The following ASIC2 variants were observed in gnomAD, a reference collection of about 807,000 sequenced individuals.
ASIC2 encodes the protein acid sensing ion channel subunit 2.
ASIC2 carries 25 observed loss-of-function variants against 57.3 expected under a neutral mutation model. That is an observed-to-expected ratio of 0.44 (90% CI 0.32 to 0.61). The LOEUF (loss-of-function observed/expected upper bound fraction) is 0.61, where lower values mean the gene tolerates loss of function less well. ASIC2 is among the 20% of genes least tolerant of loss of function. ASIC2 has a pLI of 0.06. For synonymous variants in ASIC2, 319 were observed against 307.5 expected (o/e 1.04, Z -0.39); for missense variants, 641 against 738.1 (o/e 0.87, Z 1.52).
chr17:33,589,488 A>G (rs1904758344), intron 1 of ASIC2, among the ~76,000 whole-genome samples: 1 of 152,174 alleles, frequency 6.6e-6, no homozygotes, highest in Non-Finnish European at 1.5e-5. Context: ...CATCCCAGAC[A>G]GAAACCCTGT....
At chr17:33,531,884 C>T (rs1157141372) in intron 1 of ASIC2, among the ~76,000 whole-genome samples, 1 of 152,184 alleles carries the variant, frequency 6.6e-6, no homozygotes, top group Admixed American at 6.5e-5. Context: ...CCTTTGTTCT[C>T]CCCTTAGCCT....
chr17:33,673,656 T>G (rs1597830370), intron 1 of ASIC2, among the ~76,000 whole-genome samples: 2 of 152,198 alleles, frequency 1.3e-5, no homozygotes, highest in South Asian at 4.2e-4. Context: ...TCTGAGATCC[T>G]CGCCCAGTCC....
chr17:33,283,349 C>G (rs1321602767), intron 1 of ASIC2, among the ~76,000 whole-genome samples: 2 of 152,222 alleles, frequency 1.3e-5, no homozygotes, highest in Non-Finnish European at 2.9e-5. Context: ...CCAGCAGCAT[C>G]TGTACCACCT....
At chr17:34,108,013 A>T (rs1911123302) in intron 1 of ASIC2, among the ~76,000 whole-genome samples, 1 of 152,170 alleles carries the variant, frequency 6.6e-6, no homozygotes, top group African/African-American at 2.4e-5. Flanking sequence ...TTCTTTATGT[A>T]ATGATAAGCA....
At position 33,368,362 on chromosome 17, in the gene ASIC2, GC is replaced by G. The variant is rs1395758856; in HGVS notation, c.556-256296del. The stretch of plus-strand genomic sequence containing the variant: ...GGAGTTTGTTGTTGGAGTTTTCCCA[GC>G]CTTAACCACCAATGGGTGAAACTTC... On this transcript the variant is annotated intron_variant, in intron 1 of 9. Coordinates refer to the ASIC2 transcript ENST00000359872. Among the ~76,000 whole-genome samples, 4 of 152,180 alleles carry G rather than the reference GC, an allele frequency of 2.6e-5. No homozygotes were observed. In the East Asian group the frequency reaches 7.7e-4, roughly 29 times the overall value.
rs140971935 is a variant in ASIC2 at position 33,126,443 on chromosome 17, C to CACA, written c.709-14379_709-14377dup. Among the ~76,000 whole-genome samples, 470 of 152,336 alleles carry CACA rather than the reference C, an allele frequency of 3.1e-3. 9 individuals carry two copies. Among genetic ancestry groups the CACA allele is most frequent in the African/African-American group, 0.011 (455 of 41,578 alleles). On this transcript the variant is annotated intron_variant, in intron 1 of 9. Coordinates refer to ENST00000225823, the MANE Select transcript of ASIC2 (RefSeq NM_183377.2). ...TCGAATGGCCTGGCCACACCTGCCT[C>CACA]ACAGAGTTGCCAGGGAGACCATGAG...
intron 1 of ASIC2, among the ~76,000 whole-genome samples, chr17:33,132,415 G>C (rs1279282720): frequency 6.6e-6 from 1 of 152,112 alleles, no homozygotes; most frequent in East Asian, 1.9e-4. Context: ...AAGGGTCCCT[G>C]TCCTCCTGGA....
chr17:33,178,215 C>T (rs1304065908), intron 1 of ASIC2, among the ~76,000 whole-genome samples: 1 of 152,078 alleles, frequency 6.6e-6, no homozygotes, highest in Admixed American at 6.6e-5. Context: ...TTAGCCACTC[C>T]ATGATGTGTA....
At chr17:34,043,814 T>A (rs1220813122) in intron 1 of ASIC2, among the ~76,000 whole-genome samples, 1 of 152,146 alleles carries the variant, frequency 6.6e-6, no homozygotes, top group African/African-American at 2.4e-5. Context: ...GTGTTTTGAA[T>A]CCTGGCTGGT....
chr17:33,415,479 C>T (rs964607360), intron 1 of ASIC2, among the ~76,000 whole-genome samples: 8 of 151,944 alleles, frequency 5.3e-5, no homozygotes, highest in Non-Finnish European at 7.4e-5. Context: ...ATGTAGAACC[C>T]ATGGGCATGT....
intron 1 of ASIC2, among the ~76,000 whole-genome samples, chr17:33,762,605 G>T (rs561873826): frequency 6.6e-6 from 1 of 152,148 alleles, no homozygotes; most frequent in African/African-American, 2.4e-5. Context: ...CAGAAAGGCC[G>T]CTCCCATAGT....
chr17:34,008,544 C>T (rs1017789141), intron 1 of ASIC2, among the ~76,000 whole-genome samples: 9 of 152,192 alleles, frequency 5.9e-5, no homozygotes, highest in Non-Finnish European at 8.8e-5. Flanking sequence ...GAGAGAAAAT[C>T]AGCAAGCTGA....
At chr17:34,132,381 T>G (rs1422429207) in intron 1 of ASIC2, among the ~76,000 whole-genome samples, 5 of 152,094 alleles carry the variant, frequency 3.3e-5, no homozygotes, top group Non-Finnish European at 7.4e-5. Context: ...GGTAGACGGG[T>G]TGCGGCTGCT....
At chr17:33,703,130 G>A (rs1400715753) in intron 1 of ASIC2, among the ~76,000 whole-genome samples, 1 of 152,196 alleles carries the variant, frequency 6.6e-6, no homozygotes. Context: ...GGGATAGCAA[G>A]TGCAAAGTTC....
At chr17:33,363,420 G>A (rs1243286550) in intron 1 of ASIC2, among the ~76,000 whole-genome samples, 3 of 152,228 alleles carry the variant, frequency 2.0e-5, no homozygotes, top group Non-Finnish European at 4.4e-5. Context: ...GAATGTTAGA[G>A]AAAAACTGAG....
At chr17:33,703,702 G>A (rs1382778340) in intron 1 of ASIC2, among the ~76,000 whole-genome samples, 2 of 152,090 alleles carry the variant, frequency 1.3e-5, no homozygotes, top group Non-Finnish European at 2.9e-5. Context: ...TTTAAGCAGG[G>A]GAAGGTACAT....
intron 1 of ASIC2, among the ~76,000 whole-genome samples, chr17:33,717,390 T>C (rs1388164): frequency 0.83 from 126,282 of 152,186 alleles, 52,686 homozygotes; most frequent in African/African-American, 0.9. Context: ...TGTTAGCACA[T>C]GGTCTGACTA....
intron 1 of ASIC2, among the ~76,000 whole-genome samples, chr17:33,761,962 C>G (rs942010522): frequency 2.0e-5 from 3 of 151,920 alleles, no homozygotes; most frequent in Non-Finnish European, 2.9e-5. Context: ...TGAGTGAGGA[C>G]AGCCAGCACT....
intron 1 of ASIC2, among the ~76,000 whole-genome samples, chr17:33,661,529 G>A (rs955885806): frequency 2.6e-5 from 4 of 152,212 alleles, no homozygotes; most frequent in Non-Finnish European, 5.9e-5. Context: ...GACATTGAAT[G>A]ATTCTGGACC....
Sources: gnomAD v4.1 joint callset for allele counts (sites outside exome capture counted in the v4.1 genomes callset) on GRCh38, gnomAD v4.1.1 for gene constraint, MANE v1.5 for transcripts, NCBI Gene and HGNC (gene_info 2026-07-23, HGNC 2026-07-21) for gene names.